CDC25B: variants seen among roughly 807,000 people sequenced by gnomAD.
CDC25B encodes cell division cycle 25B, also known as M-phase inducer phosphatase 2.
A neutral mutation model predicts 69.8 loss-of-function variants in CDC25B; 33 were observed. The ratio of observed to expected loss-of-function variants is 0.47; its 90% CI spans 0.36 to 0.63. The LOEUF (loss-of-function observed/expected upper bound fraction) is 0.63, where lower values mean the gene tolerates loss of function less well. CDC25B is among the 30% of genes least tolerant of loss of function. The pLI, the probability that CDC25B is intolerant of heterozygous loss-of-function variation, is 0.00. For missense variants in CDC25B, 727 were observed against 809.1 expected, an observed-to-expected ratio of 0.90 and a Z score of 1.23; for synonymous variants, 341 against 314.6, an observed-to-expected ratio of 1.08 and a Z score of -0.89.
At chr20:3,801,456 T>A (rs1169407172) in intron 8 of CDC25B, 68 bp downstream of exon 8, 1 of 1,506,694 alleles carries the variant, frequency 6.6e-7, no homozygotes, top group South Asian at 1.3e-5. Flanking sequence ...AAGAGAGCTC[T>A]GAGCCCTTGT....
chr20:3,787,567 A>G (rs879257317), intron 1 of CDC25B, among the ~76,000 whole-genome samples: 7 of 152,218 alleles, frequency 4.6e-5, no homozygotes, highest in Non-Finnish European at 1.0e-4. Flanking sequence ...ACTTACAGAA[A>G]TAACATCATG....
chr20:3,802,170 G>A, intron 10 of CDC25B, 70 bp downstream of exon 10: 1 of 1,542,336 alleles, frequency 6.5e-7, no homozygotes, highest in South Asian at 1.2e-5. Context: ...TAAGTTTGTG[G>A]CAGAGGGCAG....
intron 1 of CDC25B, among the ~76,000 whole-genome samples, chr20:3,797,327 A>T (rs1048701621): frequency 6.6e-6 from 1 of 152,110 alleles, no homozygotes; most frequent in African/African-American, 2.4e-5. Flanking sequence ...GCTCTGCTAG[A>T]CCACCAACCC....
intron 1 of CDC25B, among the ~76,000 whole-genome samples, chr20:3,787,742 G>C (rs1442198478): frequency 6.6e-6 from 1 of 152,282 alleles, no homozygotes; most frequent in Non-Finnish European, 1.5e-5. Context: ...GACCCAGGGG[G>C]ACAGGCTGAG....
intron 1 of CDC25B, among the ~76,000 whole-genome samples, chr20:3,797,342 G>A (rs2089093930): frequency 6.6e-6 from 1 of 152,196 alleles, no homozygotes; most frequent in South Asian, 2.1e-4. Context: ...CAACCCTTAG[G>A]CTGGCCTCCA....
Position 3,796,509 on chromosome 20 carries a change from A to C in CDC25B, c.-23A>C, listed in dbSNP as rs1237200749. Reference sequence around the variant, plus strand: ...CTGCCCTGCGCCCGGCCCTCCAGCCAGCCTTCTGCCGGCCCCGCCGCGATG... The same window carrying C: ...CTGCCCTGCGCCCGGCCCTCCAGCCCGCCTTCTGCCGGCCCCGCCGCGATG... On this transcript the variant is annotated 5_prime_UTR_variant, in exon 1 of 16. Coordinates refer to ENST00000245960, the MANE Select transcript of CDC25B (RefSeq NM_021873.4). The C allele has an allele frequency of 1.4e-6, 2 of 1,463,650 alleles. No homozygotes were observed. Among genetic ancestry groups the C allele is most frequent in the African/African-American group, 3.0e-5 (2 of 66,002 alleles). The allele number at this position is 1,463,650 out of a possible 1,614,324, so 90.7% of individuals were successfully genotyped here.
In CDC25B at chr20:3,802,002, A is replaced by G; in HGVS notation, c.1000A>G (p.Lys334Glu). ...MPCSVIRPIL[K>E]RLERPQDRDT... ...CTGCAGCGTGATCCGGCCCATCCTC[A>G]AGAGGCTGGAGCGGCCCCAGGACAG... Residue 334 changes from lysine (K) to glutamate (E), a missense_variant, in exon 10 of 16, where the codon AAG becomes GAG. Around this residue, in one of 2 missense-constraint regions of CDC25B, gnomAD observed 359 missense variants for 463.4 expected, o/e 0.77. Transcript: ENST00000245960. 6.2e-7 allele frequency: 1 copy of G among 1,604,478 alleles called. No homozygotes were observed. Among genetic ancestry groups the G allele is most frequent in the Non-Finnish European group, 8.5e-7 (1 of 1,175,866 alleles).
upstream of CDC25B, among the ~76,000 whole-genome samples, chr20:3,793,706 G>C (rs868494608): frequency 7.7e-3 from 1,129 of 146,530 alleles, 13 homozygotes; most frequent in African/African-American, 0.027. Flanking sequence ...CCATTAACTC[G>C]TCATTTAGCA....
rs11087604 is a variant in CDC25B at position 3,805,331 on chromosome 20, G to C, written c.*370G>C. On this transcript the variant is annotated 3_prime_UTR_variant, in exon 16 of 16. Coordinates refer to ENST00000245960, the MANE Select transcript of CDC25B (RefSeq NM_021873.4). ...TGTCAGCTGAGGCTGGGGGAGAGCC[G>C]TGGTCCCTGAGGATGGGTCAGAGCT... 1 of 307,530 alleles carries C rather than the reference G, an allele frequency of 3.3e-6. No homozygotes were observed. Among genetic ancestry groups the C allele is most frequent in the African/African-American group, 2.1e-5 (1 of 47,694 alleles). 19.1% of individuals were successfully genotyped at this position (307,530 alleles called of 1,614,324 possible).
Position 3,805,086 on chromosome 20 carries a change from G to T in CDC25B, c.*125G>T, listed in dbSNP as rs1411015858. 7 of 988,074 alleles carry T rather than the reference G, an allele frequency of 7.1e-6. No individual in the cohort carries two copies. Among genetic ancestry groups the T allele is most frequent in the Non-Finnish European group, 1.0e-5 (7 of 687,554 alleles). 61.2% of individuals were successfully genotyped at this position (988,074 alleles called of 1,614,324 possible). ...GCTGTCCATGGGAAAGATGGTGTGG[G>T]TGTCCTGCCTGTCTGCCCCAGCCCA... is the stretch of plus-strand genomic sequence containing the variant. On this transcript the variant is annotated 3_prime_UTR_variant, in exon 16 of 16. Coordinates refer to ENST00000245960, the MANE Select transcript of CDC25B (RefSeq NM_021873.4).
chr20:3,805,336 C>T lies in CDC25B; in HGVS notation c.*375C>T. ...GCTGAGGCTGGGGGAGAGCCGTGGT[C>T]CCTGAGGATGGGTCAGAGCTAAACT... On this transcript the variant is annotated 3_prime_UTR_variant, in exon 16 of 16. Transcript: ENST00000245960. 3.3e-6 allele frequency: 1 copy of T among 304,498 alleles called. No individual in the cohort carries two copies. The highest frequency in any genetic ancestry group is 5.1e-5 in the South Asian group (1 of 19,556). 18.9% of individuals were successfully genotyped at this position (304,498 alleles called of 1,614,324 possible).
In CDC25B at chr20:3,796,665, G is replaced by C. The variant is rs2089065460; in HGVS notation, c.134G>C (p.Arg45Pro). 1 of 1,508,954 alleles carries C rather than the reference G, an allele frequency of 6.6e-7. No individual in the cohort carries two copies. The highest frequency in any genetic ancestry group is 2.2e-5 in the Admixed American group (1 of 45,926). 93.5% of individuals were successfully genotyped at this position (1,508,954 alleles called of 1,614,324 possible). The change falls in exon 1 of 16, where the codon CGG becomes CCG. Residue 45 changes from arginine (R) to proline (P), a missense_variant. Physicochemically the swap from Arg to Pro is moderately radical, Grantham distance 103 (BLOSUM62 -2). Transcript: ENST00000245960. ...CATGGCCTCCTGGGGTCCCCGGTGC[G>C]GGCGGCCGCTTCCTCGCCGGTCACC... ...GSHGLLGSPV[R>P]AAASSPVTTL...
At position 3,803,554 on chromosome 20, in the gene CDC25B, C is replaced by T. The variant is rs746198684; in HGVS notation, c.1490+17C>T. 1.9e-6 allele frequency: 3 copies of T among 1,613,626 alleles called. No homozygotes were observed. The highest frequency in any genetic ancestry group is 2.5e-6 in the Non-Finnish European group (3 of 1,179,960). On this transcript the variant is annotated intron_variant, in intron 14 of 15. Transcript: ENST00000245960. This position sits in a 1 kb window ranked among gnomAD's most constrained non-coding sequence, Gnocchi z 4.9. ...GCCCCGCATGTGAGTCCCAGCTCCG[C>T]CCAGCCAGCTAGTGTCTGCCCTGGC...
At chr20:3,793,349 C>T (rs144190777), upstream of CDC25B, among the ~76,000 whole-genome samples, 935 of 151,728 alleles carry the variant, frequency 6.2e-3, 11 homozygotes, top group African/African-American at 0.021. Flanking sequence ...CCCAGGTACT[C>T]GAGAGGCTGA....
At chr20:3,787,050 A>G in exon 1 of CDC25B, 1 of 603,046 alleles carries the variant, frequency 1.7e-6, no homozygotes, top group Non-Finnish European at 2.9e-6. Context: ...TTTTTAATTA[A>G]GGTAAAAATA....
Position 3,801,927 on chromosome 20 carries a change from C to G in CDC25B, c.925C>G (p.Leu309Val), listed in dbSNP as rs753753363. 1 of 1,608,580 alleles carries G rather than the reference C, an allele frequency of 6.2e-7. No individual in the cohort carries two copies. Among genetic ancestry groups the G allele is most frequent in the Non-Finnish European group, 8.5e-7 (1 of 1,176,646 alleles). ...KTLEKEEEKD[L>V]VMYSKCQRLF... Reference sequence around the variant, plus strand: ...CCTAACCTGCTGTCCCTGCCAGGACCTCGTCATGTACAGCAAGTGCCAGCG... The same window carrying G: ...CCTAACCTGCTGTCCCTGCCAGGACGTCGTCATGTACAGCAAGTGCCAGCG... Residue 309 changes from leucine (L) to valine (V), a missense_variant, in exon 10 of 16, where the codon CTC becomes GTC. Physicochemically the swap from Leu to Val is conservative, Grantham distance 32. Around this residue, in one of 2 missense-constraint regions of CDC25B, gnomAD observed 359 missense variants for 463.4 expected, o/e 0.77. Coordinates refer to ENST00000245960, the MANE Select transcript of CDC25B (RefSeq NM_021873.4).
intron 1 of CDC25B, among the ~76,000 whole-genome samples, chr20:3,790,831 A>G (rs1280349076): frequency 2.0e-5 from 3 of 151,150 alleles, no homozygotes; most frequent in Non-Finnish European, 4.4e-5. Flanking sequence ...GGGCCTCCCA[A>G]AGTGCTGGGA....
In CDC25B at chr20:3,803,203, C is replaced by G. The variant is rs1298412898; in HGVS notation, c.1353C>G (p.Ile451Met). ...CCTATGAATATGAAGGCGGGCACAT[C>G]AAGGTAAGATGGGGCAATGGGGAGA... ...RYPYEYEGGHIKTAVNLPLER... is the reference protein window; with the variant it reads ...RYPYEYEGGHMKTAVNLPLER... Residue 451 changes from isoleucine (I) to methionine (M), a missense_variant, in exon 13 of 16, where the codon ATC (isoleucine) becomes ATG (methionine). This residue lies in a region of CDC25B where 359 missense variants were observed against 463.4 expected (regional missense o/e 0.77). Coordinates refer to ENST00000245960, the MANE Select transcript of CDC25B (RefSeq NM_021873.4). The surrounding 1 kb of genome is among the most constrained non-coding windows in gnomAD (Gnocchi z 4.9). 6.2e-7 allele frequency: 1 copy of G among 1,610,888 alleles called. No individual in the cohort carries two copies. The highest frequency in any genetic ancestry group is 8.5e-7 in the Non-Finnish European group (1 of 1,177,328).
At position 3,796,612 on chromosome 20, in the gene CDC25B, C is replaced by T; in HGVS notation, c.81C>T (p.Gly27=). The T allele has an allele frequency of 6.9e-7, 1 of 1,442,768 alleles. No individual in the cohort carries two copies. The highest frequency in any genetic ancestry group is 9.1e-7 in the Non-Finnish European group (1 of 1,102,470). 89.4% of individuals were successfully genotyped at this position (1,442,768 alleles called of 1,614,324 possible). A position where few individuals can be genotyped will look rare whatever the true frequency, so the allele number is the denominator to read the frequency against. The change falls in exon 1 of 16, where the codon GGC becomes GGT. Residue 27 remains glycine, a synonymous_variant. Transcript: ENST00000245960. ...AGVCGGAQRP[G]HLPGLLLGSH... is the part of the protein sequence containing the mutation. ...TGTGCGGTGGCGCCCAGCGTCCGGGCCACCTCCCGGGCCTCCTGCTGGGAT... is the reference window on the plus strand; with the variant it reads ...TGTGCGGTGGCGCCCAGCGTCCGGGTCACCTCCCGGGCCTCCTGCTGGGAT...
Sources: gnomAD v4.1 joint callset for allele counts (sites outside exome capture counted in the v4.1 genomes callset) on GRCh38, gnomAD v4.1.1 for gene constraint, gnomAD v4.1.1 regional missense constraint, Gnocchi (gnomAD v3.1) non-coding constraint, MANE v1.5 for transcripts, NCBI Gene and HGNC (gene_info 2026-07-23, HGNC 2026-07-21) for gene names.